CNTNAP5: variants seen among roughly 807,000 people sequenced by gnomAD.
CNTNAP5 encodes contactin associated protein family member 5, also known as contactin-associated protein-like 5.
In CNTNAP5, 72 loss-of-function variants were observed where a neutral mutation model predicts 150.2. The observed-to-expected ratio is 0.48, with a 90% confidence interval of 0.40 to 0.58. CNTNAP5 has a LOEUF of 0.58. CNTNAP5 is among the 20% of genes least tolerant of loss of function. CNTNAP5 has a pLI of 0.00. For synonymous variants in CNTNAP5, 672 were observed against 619.8 expected, an observed-to-expected ratio of 1.08 and a Z score of -1.25; for missense variants, 1,636 against 1,626.2, an observed-to-expected ratio of 1.01 and a Z score of -0.10.
At chr2:124,838,308 C>A (rs925235926) in intron 19 of CNTNAP5, among the ~76,000 whole-genome samples, 2 of 152,024 alleles carry the variant, frequency 1.3e-5, no homozygotes, top group Admixed American at 6.6e-5. Flanking sequence ...TTTTTCCAGG[C>A]TTTCACAGGT....
At chr2:124,359,582 C>A (rs1690137718) in intron 3 of CNTNAP5, among the ~76,000 whole-genome samples, 1 of 140,244 alleles carries the variant, frequency 7.1e-6, no homozygotes, top group Non-Finnish European at 1.5e-5. Context: ...CATTCAGGAG[C>A]AGGTTGTTCA....
chr2:124,459,547 G>A (rs1255488852), intron 6 of CNTNAP5, among the ~76,000 whole-genome samples: 3 of 151,900 alleles, frequency 2.0e-5, no homozygotes, highest in East Asian at 1.9e-4. Context: ...TCAGGAGTTC[G>A]AGACCAGCCT....
intron 10 of CNTNAP5, among the ~76,000 whole-genome samples, 174 bp downstream of exon 10, chr2:124,527,630 T>C (rs1360855626): frequency 1.3e-5 from 2 of 152,186 alleles, no homozygotes; most frequent in Non-Finnish European, 2.9e-5. Flanking sequence ...AAAAAATGGT[T>C]TAAATTAGTT....
intron 2 of CNTNAP5, among the ~76,000 whole-genome samples, chr2:124,223,254 G>T (rs1573848265): frequency 6.6e-6 from 1 of 152,174 alleles, no homozygotes; most frequent in African/African-American, 2.4e-5. Flanking sequence ...CACTAGTACA[G>T]ATTGAAAAGG....
At chr2:124,037,033 C>G (rs1009297566) in intron 1 of CNTNAP5, among the ~76,000 whole-genome samples, 1 of 152,230 alleles carries the variant, frequency 6.6e-6, no homozygotes, top group African/African-American at 2.4e-5. Flanking sequence ...CCTCATGTGT[C>G]TAGACCCACA....
At chr2:124,576,319 G>A (rs1696282241) in intron 11 of CNTNAP5, among the ~76,000 whole-genome samples, 1 of 152,108 alleles carries the variant, frequency 6.6e-6, no homozygotes, top group African/African-American at 2.4e-5. Context: ...ATGTGATGAT[G>A]AAGACCCTGG....
intron 12 of CNTNAP5, among the ~76,000 whole-genome samples, chr2:124,632,860 A>G (rs903913314): frequency 6.6e-6 from 1 of 152,140 alleles, no homozygotes; most frequent in Non-Finnish European, 1.5e-5. Flanking sequence ...CATGGCAGAA[A>G]GGGAAGCAGA....
At chr2:124,482,234 T>C (rs1386358339) in intron 7 of CNTNAP5, among the ~76,000 whole-genome samples, 2 of 152,214 alleles carry the variant, frequency 1.3e-5, no homozygotes, top group Non-Finnish European at 2.9e-5. Flanking sequence ...GTGCTAGCAC[T>C]GGAGGGGCGG....
chr2:124,624,701 G>T (rs1388869667), intron 12 of CNTNAP5, among the ~76,000 whole-genome samples: 1 of 152,148 alleles, frequency 6.6e-6, no homozygotes, highest in Non-Finnish European at 1.5e-5. Flanking sequence ...TGGATATTTT[G>T]CACAGTGTGG....
chr2:124,706,176 T>C (rs140668858), intron 13 of CNTNAP5, among the ~76,000 whole-genome samples: 47 of 152,302 alleles, frequency 3.1e-4, no homozygotes, highest in African/African-American at 1.0e-3. Flanking sequence ...AAGACGAGTG[T>C]TCCCTTTCCA....
chr2:124,839,844 G>A (rs1171130853), intron 19 of CNTNAP5, among the ~76,000 whole-genome samples: 1 of 152,100 alleles, frequency 6.6e-6, no homozygotes, highest in Admixed American at 6.6e-5. Flanking sequence ...TTCTTGGAGA[G>A]CTCCGGAGAT....
chr2:124,341,169 A>C (rs1293682424), intron 3 of CNTNAP5, among the ~76,000 whole-genome samples: 1 of 152,128 alleles, frequency 6.6e-6, no homozygotes, highest in African/African-American at 2.4e-5. Context: ...TGGTTATTTA[A>C]ATAAAACTTC....
At chr2:124,592,748 G>A (rs1269013389) in intron 11 of CNTNAP5, among the ~76,000 whole-genome samples, 1 of 149,472 alleles carries the variant, frequency 6.7e-6, no homozygotes, top group Non-Finnish European at 1.5e-5. Flanking sequence ...AGATTTATTT[G>A]CATTTATTTT....
rs71412792 is a variant in CNTNAP5 at position 124,702,346 on chromosome 2, C to CTT, written c.2078-44834_2078-44833dup. Among the ~76,000 whole-genome samples the CTT allele has an allele frequency of 3.8e-5, 2 of 52,250 alleles. 1 individual carries two copies. Among genetic ancestry groups the CTT allele is most frequent in the Non-Finnish European group, 6.7e-5 (2 of 30,002 alleles). The allele number at this position is 52,250 out of a possible 152,430, so 34.3% of individuals were successfully genotyped here. On this transcript the variant is annotated intron_variant, in intron 13 of 23. Coordinates refer to ENST00000682447, the MANE Select transcript of CNTNAP5 (RefSeq NM_001367498.1). ...ATGTCCTTCTGTGAAACTATGAACA[C>CTT]TTTTTTTTTTTTTTTTTTTTTTTTT... is the stretch of plus-strand genomic sequence containing the variant.
intron 1 of CNTNAP5, among the ~76,000 whole-genome samples, chr2:124,101,469 A>T (rs1683059737): frequency 6.6e-6 from 1 of 152,126 alleles, no homozygotes; most frequent in South Asian, 2.1e-4. Context: ...GGGGCACAAG[A>T]ATCCTAGGCA....
intron 13 of CNTNAP5, among the ~76,000 whole-genome samples, chr2:124,653,911 A>ACCCCCCCCCCC (rs70996088): frequency 2.4e-4 from 14 of 57,476 alleles, no homozygotes; most frequent in Admixed American, 8.5e-4. Context: ...ACTGCCCCCA[A>ACCCCCCCCCCC]CCCCCCCCCC....
At chr2:124,277,863 AG>A (rs1687921124) in intron 3 of CNTNAP5, among the ~76,000 whole-genome samples, 1 of 152,164 alleles carries the variant, frequency 6.6e-6, no homozygotes, top group African/African-American at 2.4e-5. Flanking sequence ...TCCATGCATT[AG>A]CAATCACCAC....
At chr2:124,241,087 G>A (rs917575161) in intron 2 of CNTNAP5, among the ~76,000 whole-genome samples, 13 of 152,304 alleles carry the variant, frequency 8.5e-5, no homozygotes, top group Admixed American at 8.5e-4. Context: ...GCATAATACA[G>A]TCTGCGATAG....
chr2:124,836,023 C>CTAT (rs1208892505), intron 19 of CNTNAP5, among the ~76,000 whole-genome samples: 4 of 151,976 alleles, frequency 2.6e-5, no homozygotes, highest in Admixed American at 1.3e-4. Context: ...GATGGGCATG[C>CTAT]TATTAGTAGA....
Sources: allele counts gnomAD v4.1 joint callset (sites outside exome capture counted in the v4.1 genomes callset), GRCh38; gene constraint gnomAD v4.1.1; transcripts MANE v1.5; gene names NCBI Gene and HGNC (gene_info 2026-07-23, HGNC 2026-07-21).